CCDC7: variants seen among roughly 807,000 people sequenced by gnomAD.
CCDC7 encodes the protein coiled-coil domain-containing protein 7.
CCDC7 carries 183 observed loss-of-function variants against 196.9 expected under a neutral mutation model. That is an observed-to-expected ratio of 0.93 (90% confidence interval 0.82 to 1.05). CCDC7 has a LOEUF of 1.05. CCDC7 is among the 50% of genes least tolerant of loss of function. CCDC7 has a pLI of 0.00. For synonymous variants in CCDC7, 525 were observed against 484.6 expected (o/e 1.08, Z -1.10); for missense variants, 1,540 against 1,482.2 (o/e 1.04, Z -0.64).
intron 18 of CCDC7, among the ~76,000 whole-genome samples, chr10:32,587,801 A>T (rs999787422): frequency 2.0e-5 from 3 of 152,188 alleles, no homozygotes; most frequent in African/African-American, 4.8e-5. Context: ...ATGTTGAATA[A>T]CAGTGATGAA....
rs932447309 is a variant in CCDC7 at position 32,564,200 on chromosome 10, G to A, written c.1135-1358G>A. Among the ~76,000 whole-genome samples, 170 of 152,292 alleles carry A rather than the reference G, an allele frequency of 1.1e-3. 1 individual carries two copies. Among genetic ancestry groups the A allele is most frequent in the Non-Finnish European group, 2.0e-3 (139 of 68,040 alleles). ...AAATAGGAACACTTTTACACTGTTG[G>A]TGGGACTGTAAACTAGTTCAACCAT... On this transcript the variant is annotated intron_variant, in intron 13 of 41. Transcript: ENST00000639629.
chr10:32,462,550 G>C, intron 3 of CCDC7, 133 bp from the exon 5 acceptor site: 1 of 697,634 alleles, frequency 1.4e-6, no homozygotes. Flanking sequence ...TTCAACTACA[G>C]ATTTATAAAG....
chr10:32,686,926 A>T (rs546853479), intron 22 of CCDC7, among the ~76,000 whole-genome samples: 109 of 152,302 alleles, frequency 7.2e-4, no homozygotes, highest in African/African-American at 2.4e-3. Flanking sequence ...CTGTTTCCAG[A>T]TCATGGTTTT....
At chr10:32,647,789 C>G (rs1218355281) in intron 20 of CCDC7, among the ~76,000 whole-genome samples, 1 of 152,178 alleles carries the variant, frequency 6.6e-6, no homozygotes, top group Non-Finnish European at 1.5e-5. Context: ...TCTGTTTGCT[C>G]TGTTGACAGT....
At chr10:32,635,653 A>G (rs2065509734) in intron 20 of CCDC7, among the ~76,000 whole-genome samples, 2 of 152,122 alleles carry the variant, frequency 1.3e-5, no homozygotes, top group African/African-American at 4.8e-5. Flanking sequence ...CCCAAAACAA[A>G]CAAACAAACA....
chr10:32,758,150 C>T (rs2076791109), intron 28 of CCDC7, among the ~76,000 whole-genome samples: 1 of 152,126 alleles, frequency 6.6e-6, no homozygotes, highest in Admixed American at 6.5e-5. Flanking sequence ...GATGGATTCA[C>T]AACCGAATTC....
At chr10:32,849,875 C>T (rs186208288) in intron 39 of CCDC7, among the ~76,000 whole-genome samples, 2 of 152,042 alleles carry the variant, frequency 1.3e-5, no homozygotes, top group African/African-American at 4.8e-5. Flanking sequence ...GAGACCTCTG[C>T]ATAGGGTATA....
At chr10:32,500,428 G>C (rs1050356428) in intron 9 of CCDC7, among the ~76,000 whole-genome samples, 1 of 151,008 alleles carries the variant, frequency 6.6e-6, no homozygotes, top group Non-Finnish European at 1.5e-5. Flanking sequence ...CCAGGCAGAG[G>C]CGCTCTTCAC....
chr10:32,502,929 TG>T (rs1231580723), intron 9 of CCDC7, among the ~76,000 whole-genome samples: 13 of 152,314 alleles, frequency 8.5e-5, no homozygotes, highest in South Asian at 8.3e-4. Flanking sequence ...TAAATGGGAT[TG>T]TTTTCTTGCC....
intron 30 of CCDC7, among the ~76,000 whole-genome samples, chr10:32,805,879 A>C (rs2085726389): frequency 6.6e-6 from 1 of 152,234 alleles, no homozygotes; most frequent in South Asian, 2.1e-4. Flanking sequence ...CTGTACAAGC[A>C]TAGTGCCAGC....
chr10:32,589,836 T>G (rs2059621785), intron 18 of CCDC7, among the ~76,000 whole-genome samples: 1 of 152,176 alleles, frequency 6.6e-6, no homozygotes, highest in South Asian at 2.1e-4. Flanking sequence ...GTTTTTATCT[T>G]GAAATGTATT....
At position 32,518,371 on chromosome 10, in the gene CCDC7, T is replaced by C. The variant is rs747681382; in HGVS notation, c.904-45T>C. ...TAAATATCTGAATAACCTTTCTACATTGAGAGTTTTACTCTTCATTATTAC... is the reference window on the plus strand; with the variant it reads ...TAAATATCTGAATAACCTTTCTACACTGAGAGTTTTACTCTTCATTATTAC... On this transcript the variant is annotated intron_variant, in intron 10 of 41. Transcript: ENST00000639629. 3.9e-6 allele frequency: 6 copies of C among 1,520,914 alleles called. No individual in the cohort carries two copies. The South Asian group carries it at 4.0e-5, about 10-fold the overall frequency. 94.2% of individuals were successfully genotyped at this position (1,520,914 alleles called of 1,614,324 possible). A position where few individuals can be genotyped will look rare whatever the true frequency, so the allele number is the denominator to read the frequency against.
At chr10:32,495,045 C>T (rs1001274709) in intron 9 of CCDC7, among the ~76,000 whole-genome samples, 39 of 152,214 alleles carry the variant, frequency 2.6e-4, no homozygotes, top group African/African-American at 9.2e-4. Context: ...TCCACATCAT[C>T]TCCAGCATCT....
intron 28 of CCDC7, among the ~76,000 whole-genome samples, chr10:32,730,430 C>A (rs896531261): frequency 1.3e-5 from 2 of 151,324 alleles, no homozygotes; most frequent in African/African-American, 4.9e-5. Context: ...ATACATTTTT[C>A]CTTAGCAATA....
At chr10:32,742,193 A>G (rs992806922) in intron 28 of CCDC7, among the ~76,000 whole-genome samples, 109 of 152,270 alleles carry the variant, frequency 7.2e-4, no homozygotes, top group African/African-American at 2.5e-3. Flanking sequence ...TTTTTAGAGC[A>G]GTTTTAGGTT....
At chr10:32,559,575 C>T (rs1464753424) in intron 13 of CCDC7, among the ~76,000 whole-genome samples, 1 of 152,208 alleles carries the variant, frequency 6.6e-6, no homozygotes, top group African/African-American at 2.4e-5. Context: ...CTGGAGTGGA[C>T]CTCTAGCAAA....
At chr10:32,450,072 A>G (rs1467276019), upstream of CCDC7, among the ~76,000 whole-genome samples, 1 of 152,222 alleles carries the variant, frequency 6.6e-6, no homozygotes, top group African/African-American at 2.4e-5. Flanking sequence ...GTAACAAAGT[A>G]CCACAAAGTG....
intron 18 of CCDC7, among the ~76,000 whole-genome samples, chr10:32,585,944 C>T (rs964073726): frequency 2.6e-5 from 4 of 152,132 alleles, no homozygotes; most frequent in Admixed American, 1.3e-4. Flanking sequence ...CTTGAGGAAT[C>T]GCCACACTGT....
At chr10:32,574,304 T>A in intron 16 of CCDC7, 1 of 509,502 alleles carries the variant, frequency 2.0e-6, no homozygotes. Context: ...GGTTAATTAT[T>A]ATATATTATA....
Sources: gnomAD v4.1 joint callset for allele counts (sites outside exome capture counted in the v4.1 genomes callset) on GRCh38, gnomAD v4.1.1 for gene constraint, MANE v1.5 for transcripts, NCBI Gene and HGNC (gene_info 2026-07-23, HGNC 2026-07-21) for gene names.